Variants in GRIK4 observed in about 807,000 individuals in gnomAD.
GRIK4 encodes glutamate receptor ionotropic, kainate 4.
In GRIK4, 40 loss-of-function variants were observed where a neutral mutation model predicts 104.9. The ratio of observed to expected loss-of-function variants is 0.38; its 90% CI spans 0.30 to 0.50. The LOEUF is 0.50. Among genes scored for constraint, GRIK4 ranks in the 20% least tolerant of loss-of-function variants. GRIK4 has a pLI of 0.93. For missense variants in GRIK4, 1,047 were observed against 1,308.1 expected, an observed-to-expected ratio of 0.80 and a Z score of 3.08; for synonymous variants, 485 against 524.9, an observed-to-expected ratio of 0.92 and a Z score of 1.04.
At chr11:120,954,218 A>G (rs1436352815) in intron 15 of GRIK4, among the ~76,000 whole-genome samples, 1 of 152,146 alleles carries the variant, frequency 6.6e-6, no homozygotes, top group Non-Finnish European at 1.5e-5. Context: ...AGTGGAGACC[A>G]AGGTCCCCAA....
chr11:120,781,354 A>AT (rs1402008043), intron 3 of GRIK4, among the ~76,000 whole-genome samples: 9 of 151,956 alleles, frequency 5.9e-5, no homozygotes, highest in Admixed American at 3.9e-4. Flanking sequence ...AAAAATTATT[A>AT]TTTTTTATTT....
At chr11:120,536,759 A>G (rs764160634) in intron 1 of GRIK4, among the ~76,000 whole-genome samples, 2 of 152,218 alleles carry the variant, frequency 1.3e-5, no homozygotes, top group Non-Finnish European at 2.9e-5. Flanking sequence ...ATCAATAGGA[A>G]GAACAATGGA....
intron 1 of GRIK4, among the ~76,000 whole-genome samples, chr11:120,612,633 T>C (rs1412429854): frequency 6.6e-6 from 1 of 152,258 alleles, no homozygotes; most frequent in Non-Finnish European, 1.5e-5. Context: ...AAAGGGTTTT[T>C]CTGATCATTT....
intron 3 of GRIK4, among the ~76,000 whole-genome samples, chr11:120,799,126 C>G (rs547502953): frequency 3.8e-4 from 58 of 152,290 alleles, no homozygotes; most frequent in African/African-American, 1.3e-3. Flanking sequence ...TTCCCAGTCC[C>G]CAGGCCCACA....
At position 120,515,410 on chromosome 11, in the gene GRIK4, C is replaced by T. The variant is rs542634631; in HGVS notation, c.-159+3523C>T. Among the ~76,000 whole-genome samples, 3 of 152,346 alleles carry T rather than the reference C, an allele frequency of 2.0e-5. No individual in the cohort carries two copies. The South Asian group carries it at 6.2e-4, about 32-fold the overall frequency. ...CCTGTAAAATGGGGATAAATCTCAC[C>T]TGCTTCAGAGGGTTAGCAGCATGGA... On this transcript the variant is annotated intron_variant, in intron 1 of 20. Transcript: ENST00000527524.
chr11:120,926,376 A>G (rs1183598652), intron 13 of GRIK4, among the ~76,000 whole-genome samples: 2 of 152,258 alleles, frequency 1.3e-5, no homozygotes, highest in Non-Finnish European at 1.5e-5. Context: ...GCAACAAAAT[A>G]ATAAAGGCTG....
At chr11:120,688,101 C>T (rs939651956) in intron 3 of GRIK4, among the ~76,000 whole-genome samples, 1 of 152,178 alleles carries the variant, frequency 6.6e-6, no homozygotes, top group African/African-American at 2.4e-5. Context: ...CCTGGGTTCT[C>T]AGCCTCTCAT....
intron 8 of GRIK4, among the ~76,000 whole-genome samples, chr11:120,855,547 T>C (rs1220056763): frequency 1.3e-5 from 2 of 148,348 alleles, no homozygotes; most frequent in East Asian, 4.0e-4. Flanking sequence ...GACCAAGCAA[T>C]TAGCATCTTA....
chr11:120,571,316 C>A (rs1206229780), intron 1 of GRIK4, among the ~76,000 whole-genome samples: 1 of 152,160 alleles, frequency 6.6e-6, no homozygotes, highest in Non-Finnish European at 1.5e-5. Context: ...TGACGACTGT[C>A]CTCTGCATGC....
chr11:120,559,269 G>A (rs748500745), intron 1 of GRIK4, among the ~76,000 whole-genome samples: 1 of 152,134 alleles, frequency 6.6e-6, no homozygotes, highest in Non-Finnish European at 1.5e-5. Context: ...AGACTCCCTC[G>A]CTTCGGCTAA....
chr11:120,964,026 T>C (rs1944341493), intron 18 of GRIK4, among the ~76,000 whole-genome samples: 1 of 149,946 alleles, frequency 6.7e-6, no homozygotes, highest in Non-Finnish European at 1.5e-5. Context: ...GGAGCCTCAC[T>C]CTGTAGCCCA....
intron 1 of GRIK4, among the ~76,000 whole-genome samples, chr11:120,530,277 G>T (rs777987130): frequency 1.3e-5 from 2 of 152,226 alleles, no homozygotes; most frequent in African/African-American, 2.4e-5. Context: ...GTGAGCAAAT[G>T]AATCGGTCGA....
At chr11:120,711,390 C>T (rs1950732914) in intron 3 of GRIK4, among the ~76,000 whole-genome samples, 2 of 152,158 alleles carry the variant, frequency 1.3e-5, no homozygotes, top group African/African-American at 4.8e-5. Context: ...TGGTGCCCAT[C>T]ACCTGCCTCT....
At chr11:120,867,194 G>C (rs909461651) in intron 9 of GRIK4, among the ~76,000 whole-genome samples, 1 of 152,102 alleles carries the variant, frequency 6.6e-6, no homozygotes. Context: ...TCACGGCAGC[G>C]ACAATAGCAA....
intron 13 of GRIK4, among the ~76,000 whole-genome samples, chr11:120,934,377 A>G (rs187557874): frequency 2.0e-5 from 3 of 152,128 alleles, no homozygotes; most frequent in African/African-American, 7.2e-5. Flanking sequence ...TTGCCGTTAG[A>G]CCACTCCTCA....
At chr11:120,770,716 A>G (rs75348753) in intron 3 of GRIK4, among the ~76,000 whole-genome samples, 3,858 of 152,214 alleles carry the variant, frequency 0.025, 146 homozygotes, top group African/African-American at 0.088. Context: ...TTAACCTCTA[A>G]TGTGTTAGTA....
At chr11:120,975,238 T>C (rs747425559) in intron 19 of GRIK4, among the ~76,000 whole-genome samples, 1 of 151,674 alleles carries the variant, frequency 6.6e-6, no homozygotes, top group African/African-American at 2.4e-5. Flanking sequence ...TTAGCAAGAG[T>C]GGGGGTGAGT....
intron 1 of GRIK4, among the ~76,000 whole-genome samples, chr11:120,596,836 T>G (rs2135122234): frequency 6.6e-6 from 1 of 152,180 alleles, no homozygotes; most frequent in South Asian, 2.1e-4. Context: ...GTGATTCTCC[T>G]GCCTCAGCCT....
chr11:120,806,759 A>G (rs529145447), intron 4 of GRIK4, among the ~76,000 whole-genome samples: 1 of 152,350 alleles, frequency 6.6e-6, no homozygotes, highest in East Asian at 1.9e-4. Flanking sequence ...GGTTATTTCA[A>G]GAATCAAAGA....
Sources: allele counts gnomAD v4.1 joint callset (sites outside exome capture counted in the v4.1 genomes callset), GRCh38; gene constraint gnomAD v4.1.1; transcripts MANE v1.5; gene names NCBI Gene and HGNC (gene_info 2026-07-23, HGNC 2026-07-21).